PRICKLE2: variants seen among roughly 807,000 people sequenced by gnomAD.
PRICKLE2 encodes the protein prickle planar cell polarity protein 2, also known as prickle-like protein 2.
PRICKLE2 carries 21 observed loss-of-function variants against 81.4 expected under a neutral mutation model. That is an observed-to-expected ratio of 0.26 (90% CI 0.18 to 0.37). The LOEUF (loss-of-function observed/expected upper bound fraction) is 0.37, where lower values mean the gene tolerates loss of function less well. PRICKLE2 is among the 10% of genes least tolerant of loss of function. The probability of loss-of-function intolerance (pLI) is 1.00; values close to 1 mark genes in which losing one functional copy is unlikely to be tolerated. For synonymous variants in PRICKLE2, 456 were observed against 421.5 expected, an observed-to-expected ratio of 1.08 and a Z score of -1.00; for missense variants, 940 against 1,109.0, an observed-to-expected ratio of 0.85 and a Z score of 2.16.
At chr3:64,226,645 A>G (rs769649109), upstream of PRICKLE2, among the ~76,000 whole-genome samples, 3 of 152,234 alleles carry the variant, frequency 2.0e-5, no homozygotes, top group Admixed American at 6.5e-5. Context: ...GCTATTTCTG[A>G]TATTTTGAAT....
intron 7 of PRICKLE2, among the ~76,000 whole-genome samples, chr3:64,121,023 G>A (rs2077016490): frequency 6.6e-6 from 1 of 152,150 alleles, no homozygotes; most frequent in Non-Finnish European, 1.5e-5. Flanking sequence ...TCCAATCTCT[G>A]TCTCAGCCAG....
intron 7 of PRICKLE2, among the ~76,000 whole-genome samples, chr3:64,109,440 C>T (rs765020684): frequency 2.6e-5 from 4 of 152,174 alleles, no homozygotes; most frequent in Non-Finnish European, 2.9e-5. Flanking sequence ...CTCAGGTGAT[C>T]AGCAGATCAC....
intron 1 of PRICKLE2, among the ~76,000 whole-genome samples, chr3:64,205,555 C>G (rs2078672681): frequency 6.6e-6 from 1 of 152,082 alleles, no homozygotes; most frequent in African/African-American, 2.4e-5. Context: ...ATTTACAACA[C>G]CGAACCCTGA....
chr3:64,218,071 T>C (rs2078899962), intron 1 of PRICKLE2, among the ~76,000 whole-genome samples: 1 of 152,150 alleles, frequency 6.6e-6, no homozygotes, highest in African/African-American at 2.4e-5. Flanking sequence ...TGTCATACTG[T>C]ACAAATTTAC....
chr3:64,114,822 C>T (rs2076910013), intron 7 of PRICKLE2, among the ~76,000 whole-genome samples: 1 of 152,134 alleles, frequency 6.6e-6, no homozygotes, highest in East Asian at 1.9e-4. Context: ...TTCATGAGAA[C>T]TTCCCCAACC....
At chr3:64,140,417 C>T (rs940375208) in intron 7 of PRICKLE2, among the ~76,000 whole-genome samples, 1 of 152,226 alleles carries the variant, frequency 6.6e-6, no homozygotes, top group African/African-American at 2.4e-5. Flanking sequence ...ACCTAGAGGT[C>T]CTTCCTATGG....
chr3:64,156,237 T>G (rs1026734666), intron 5 of PRICKLE2, among the ~76,000 whole-genome samples: 8 of 152,200 alleles, frequency 5.3e-5, no homozygotes, highest in Admixed American at 1.3e-4. Context: ...AGTGTTAGAA[T>G]TCAAATTAGT....
chr3:64,236,336 A>G (rs965800156), intron 2 of PRICKLE2, among the ~76,000 whole-genome samples: 2 of 152,210 alleles, frequency 1.3e-5, no homozygotes, highest in African/African-American at 4.8e-5. Context: ...AAGAAATGAA[A>G]GAAGAAATGC....
upstream of PRICKLE2, among the ~76,000 whole-genome samples, chr3:64,226,392 T>C (rs1287205762): frequency 1.3e-5 from 2 of 152,202 alleles, no homozygotes; most frequent in Non-Finnish European, 2.9e-5. Context: ...TGCCTTTCCT[T>C]CCTGCTAGCA....
chr3:64,180,131 G>A (rs561662134), intron 2 of PRICKLE2, among the ~76,000 whole-genome samples: 3 of 152,176 alleles, frequency 2.0e-5, no homozygotes, highest in Non-Finnish European at 2.9e-5. Flanking sequence ...TGTTATGTGC[G>A]TATGTTATAT....
chr3:64,151,328 C>A (rs181603329), intron 6 of PRICKLE2, among the ~76,000 whole-genome samples: 25 of 152,318 alleles, frequency 1.6e-4, no homozygotes, highest in Admixed American at 9.1e-4. Context: ...CCATGGTCAC[C>A]TTTTCTGATA....
intron 2 of PRICKLE2, chr3:64,174,453 A>G (rs153739): frequency 0.9 from 137,264 of 152,304 alleles, 62,275 homozygotes; most frequent in South Asian, 0.97. Flanking sequence ...CGACATGTGC[A>G]CACCATCCTG....
chr3:64,229,620 T>C (rs891541864), upstream of PRICKLE2, among the ~76,000 whole-genome samples: 2 of 152,164 alleles, frequency 1.3e-5, no homozygotes, highest in African/African-American at 4.8e-5. Flanking sequence ...AAGACAGACA[T>C]CACTCATCCT....
chr3:64,220,813 A>G (rs2078940470), intron 1 of PRICKLE2, among the ~76,000 whole-genome samples: 1 of 152,146 alleles, frequency 6.6e-6, no homozygotes, highest in Non-Finnish European at 1.5e-5. Context: ...TGCTTGGTTC[A>G]GCCAATTTGA....
At chr3:64,164,355 TA>T (rs1010003099) in intron 2 of PRICKLE2, among the ~76,000 whole-genome samples, 54 of 151,294 alleles carry the variant, frequency 3.6e-4, no homozygotes, top group African/African-American at 9.8e-4. Flanking sequence ...TCAACAAAAA[TA>T]AAAAAAAAAA....
At chr3:64,148,653 G>T (rs2077495471) in intron 6 of PRICKLE2, among the ~76,000 whole-genome samples, 1 of 152,174 alleles carries the variant, frequency 6.6e-6, no homozygotes, top group Non-Finnish European at 1.5e-5. Flanking sequence ...GGAGCTTTTT[G>T]GGAGGTGACT....
chr3:64,142,500 G>A (rs149881756), intron 7 of PRICKLE2, among the ~76,000 whole-genome samples: 58 of 152,032 alleles, frequency 3.8e-4, no homozygotes, highest in African/African-American at 1.4e-3. Flanking sequence ...TAGTAGAGAC[G>A]GGGTTTTGCC....
At chr3:64,206,606 C>G (rs2078693111) in intron 1 of PRICKLE2, among the ~76,000 whole-genome samples, 1 of 152,186 alleles carries the variant, frequency 6.6e-6, no homozygotes, top group South Asian at 2.1e-4. Context: ...GTGGTGTGGG[C>G]TCCTCTGTCC....
At chr3:64,258,222 T>C (rs1042019177) in intron 2 of PRICKLE2, among the ~76,000 whole-genome samples, 2 of 152,178 alleles carry the variant, frequency 1.3e-5, no homozygotes, top group Admixed American at 6.5e-5. Flanking sequence ...ATGAAAGTAC[T>C]GTGGATTTTG....
Sources: allele counts gnomAD v4.1 joint callset (sites outside exome capture counted in the v4.1 genomes callset), GRCh38; gene constraint gnomAD v4.1.1; transcripts MANE v1.5; gene names NCBI Gene and HGNC (gene_info 2026-07-23, HGNC 2026-07-21).